TMPRSS4: variants seen among roughly 807,000 people sequenced by gnomAD.
The protein encoded by TMPRSS4 is transmembrane serine protease 4.
In TMPRSS4, 45 loss-of-function variants were observed where a neutral mutation model predicts 56.4. The observed-to-expected ratio is 0.80, with a 90% CI of 0.63 to 1.02. The LOEUF (loss-of-function observed/expected upper bound fraction) is 1.02, where lower values mean the gene tolerates loss of function less well. Ranked by LOEUF, TMPRSS4 falls within the 50% of genes least tolerant of loss-of-function variation. The probability of loss-of-function intolerance (pLI) is 0.00; values close to 1 mark genes in which losing one functional copy is unlikely to be tolerated. For missense variants in TMPRSS4, 546 were observed against 556.7 expected, an observed-to-expected ratio of 0.98 and a Z score of 0.19; for synonymous variants, 205 against 211.0, an observed-to-expected ratio of 0.97 and a Z score of 0.25.
intron 5 of TMPRSS4, chr11:118,106,991 A>G (rs186245269): frequency 1.2e-4 from 19 of 152,276 alleles, no homozygotes; most frequent in African/African-American, 4.6e-4. Context: ...GAATGTGCCA[A>G]TCCACCAGTA....
chr11:118,122,780 G>A (rs1332633037), downstream of TMPRSS4, among the ~76,000 whole-genome samples: 1 of 152,154 alleles, frequency 6.6e-6, no homozygotes, highest in African/African-American at 2.4e-5. Flanking sequence ...GCTATTGTCT[G>A]AATGCTTGTG....
In TMPRSS4 at chr11:118,117,315, G is replaced by C; in HGVS notation, c.1163G>C (p.Gly388Ala). 1 of 1,614,124 alleles carries C rather than the reference G, an allele frequency of 6.2e-7. No homozygotes were observed. Among genetic ancestry groups the C allele is most frequent in the South Asian group, 1.1e-5 (1 of 91,078 alleles). ...GGVDTCQGDSGGPLMYQSDQW... is the reference protein window; with the variant it reads ...GGVDTCQGDSAGPLMYQSDQW... The stretch of plus-strand genomic sequence containing the variant: ...TCTGGTCTCTCACAGGGTGACAGTG[G>C]TGGGCCCCTGATGTACCAATCTGAC... The change falls in exon 12 of 13, where the codon GGT becomes GCT. Residue 388 changes from glycine to alanine, a missense_variant. By Grantham distance (60) the Gly-to-Ala change is moderately conservative. Transcript: ENST00000437212.
chr11:118,107,702 G>T lies in TMPRSS4; in HGVS notation c.441-72G>T. On this transcript the variant is annotated intron_variant, in intron 5 of 12. Coordinates refer to ENST00000437212, the MANE Select transcript of TMPRSS4 (RefSeq NM_019894.4). ...CTGCCACTCTTTCTCCTGAAAGTGGGGGCCAACTCTACCATCTTGTTCTAA... is the reference window on the plus strand; with the variant it reads ...CTGCCACTCTTTCTCCTGAAAGTGGTGGCCAACTCTACCATCTTGTTCTAA... The T allele has an allele frequency of 7.6e-6, 10 of 1,317,810 alleles. 1 individual carries two copies. The South Asian group carries it at 1.3e-4, about 17-fold the overall frequency. 81.6% of individuals were successfully genotyped at this position (1,317,810 alleles called of 1,614,324 possible). A position where few individuals can be genotyped will look rare whatever the true frequency, so the allele number is the denominator to read the frequency against.
intron 9 of TMPRSS4, among the ~76,000 whole-genome samples, chr11:118,114,382 G>A (rs1361899615): frequency 6.6e-6 from 1 of 152,202 alleles, no homozygotes; most frequent in Admixed American, 6.5e-5. Context: ...AGGGACACCC[G>A]GGGAAGCAGC....
At chr11:118,103,376 C>CTTTGTTTGTTTGTTGTTTGTTTGTTTG in intron 4 of TMPRSS4, 123 bp downstream of exon 4, 1 of 983,912 alleles carries the variant, frequency 1.0e-6, no homozygotes, top group South Asian at 1.9e-5. Flanking sequence ...GTATAAGGTT[C>CTTTGTTTGTTTGTTGTTTGTTTGTTTG]TTTGTTTGTT....
downstream of TMPRSS4, among the ~76,000 whole-genome samples, chr11:118,124,445 A>T (rs1165488495): frequency 6.6e-6 from 1 of 152,222 alleles, no homozygotes; most frequent in African/African-American, 2.4e-5. Flanking sequence ...GAGGAAAAAA[A>T]ACTGTTAAAG....
chr11:118,115,127 T>C lies in TMPRSS4; in HGVS notation c.1010-11T>C, dbSNP rs376943164. On this transcript the variant is annotated splice_polypyrimidine_tract_variant and intron_variant, in intron 10 of 12. Coordinates refer to ENST00000437212, the MANE Select transcript of TMPRSS4 (RefSeq NM_019894.4). ...GCAAGGATGGGAATGTGAGTGTTTTTACCCTCCCAGGGAAGATGTCTGACA... is the reference window on the plus strand; with the variant it reads ...GCAAGGATGGGAATGTGAGTGTTTTCACCCTCCCAGGGAAGATGTCTGACA... The C allele has an allele frequency of 2.6e-5, 41 of 1,607,428 alleles. No homozygotes were observed. Among genetic ancestry groups the C allele is most frequent in the Non-Finnish European group, 2.9e-5 (34 of 1,177,432 alleles).
chr11:118,083,460 G>A (rs746008184), intron 1 of TMPRSS4, among the ~76,000 whole-genome samples: 15 of 152,096 alleles, frequency 9.9e-5, no homozygotes, highest in African/African-American at 1.4e-4. Context: ...GCCAAGCCCC[G>A]GGGCCCATGA....
intron 1 of TMPRSS4, among the ~76,000 whole-genome samples, chr11:118,085,752 T>C (rs929300185): frequency 2.0e-5 from 3 of 152,150 alleles, no homozygotes; most frequent in Non-Finnish European, 2.9e-5. Context: ...GCGGGACCCC[T>C]TCTGGCCCTC....
At chr11:118,124,153 G>A (rs570707961), downstream of TMPRSS4, among the ~76,000 whole-genome samples, 5 of 152,202 alleles carry the variant, frequency 3.3e-5, no homozygotes, top group South Asian at 6.2e-4. Context: ...TTGGGAGGCC[G>A]AGTGGGGCAG....
At chr11:118,098,652 C>T (rs1946544068) in intron 2 of TMPRSS4, among the ~76,000 whole-genome samples, 1 of 152,162 alleles carries the variant, frequency 6.6e-6, no homozygotes, top group South Asian at 2.1e-4. Context: ...GCCCCAGGGG[C>T]TCAGGCCTCT....
At chr11:118,103,488 T>A (rs1455369823) in intron 4 of TMPRSS4, among the ~76,000 whole-genome samples, 2 of 152,190 alleles carry the variant, frequency 1.3e-5, no homozygotes, top group Non-Finnish European at 2.9e-5. Context: ...TTCAAGTGAT[T>A]CTTCTGCCTC....
intron 2 of TMPRSS4, among the ~76,000 whole-genome samples, chr11:118,096,950 G>GA (rs1323176463): frequency 1.5e-5 from 1 of 66,248 alleles, no homozygotes; most frequent in Non-Finnish European, 3.5e-5. Context: ...AAGAAAGAAA[G>GA]GAAGGAAAGA....
chr11:118,111,557 G>C, intron 7 of TMPRSS4, among the ~76,000 whole-genome samples, 184 bp from the exon 8 acceptor site: 1 of 152,184 alleles, frequency 6.6e-6, no homozygotes, highest in East Asian at 1.9e-4. Flanking sequence ...GGAGGTTTGA[G>C]GAAAGCCTAT....
chr11:118,122,195 G>A (rs7110327), downstream of TMPRSS4, among the ~76,000 whole-genome samples: 10,452 of 152,100 alleles, frequency 0.069, 874 homozygotes, highest in East Asian at 0.4. Flanking sequence ...ACTAATAATC[G>A]CAATAAATAT....
chr11:118,109,207 C>G (rs1481102808), intron 7 of TMPRSS4, among the ~76,000 whole-genome samples: 1 of 152,200 alleles, frequency 6.6e-6, no homozygotes. Context: ...CACTGCCTCC[C>G]ATCCCTGGTC....
At chr11:118,085,235 T>TTTC (rs1389910195) in intron 1 of TMPRSS4, among the ~76,000 whole-genome samples, 1 of 151,524 alleles carries the variant, frequency 6.6e-6, no homozygotes, top group Non-Finnish European at 1.5e-5. Context: ...TCTTTTTTTT[T>TTTC]TTTTTTGAGA....
chr11:118,107,746 A>C lies in TMPRSS4; in HGVS notation c.441-28A>C, dbSNP rs973322227. ...GTTCTAACCCCCTGCCCCAGCTCAC[A>C]ACTCTCTCTCCCTCTTGATGTGAGC... On this transcript the variant is annotated intron_variant, in intron 5 of 12. Coordinates refer to ENST00000437212, the MANE Select transcript of TMPRSS4 (RefSeq NM_019894.4). The C allele has an allele frequency of 4.4e-6, 7 of 1,605,152 alleles. No individual in the cohort carries two copies. The African/African-American group carries it at 6.7e-5, about 15-fold the overall frequency.
rs748690185 is a variant in TMPRSS4, at chr11:118,108,857, C to T, written c.544C>T (p.Pro182Ser). The T allele has an allele frequency of 9.3e-6, 15 of 1,613,982 alleles. No homozygotes were observed. Among genetic ancestry groups the T allele is most frequent in the Admixed American group, 8.3e-5 (5 of 60,006 alleles). ...CAGGGCGCTGTGTCTGTCTTCCAGGCCCTGTCTCTCAGGCTCCCTGGTCTC... is the reference window on the plus strand; with the variant it reads ...CAGGGCGCTGTGTCTGTCTTCCAGGTCCTGTCTCTCAGGCTCCCTGGTCTC... ...QELRMRNSSGPCLSGSLVSLH... is the reference protein window; with the variant it reads ...QELRMRNSSGSCLSGSLVSLH... Residue 182 changes from proline to serine, a missense_variant and splice_region_variant, in exon 7 of 13, where the codon CCC becomes TCC. Physicochemically the swap from Pro to Ser is moderately conservative, Grantham distance 74. Coordinates refer to ENST00000437212, the MANE Select transcript of TMPRSS4 (RefSeq NM_019894.4).
Sources: gnomAD v4.1 joint callset for allele counts (sites outside exome capture counted in the v4.1 genomes callset) on GRCh38, gnomAD v4.1.1 for gene constraint, MANE v1.5 for transcripts, NCBI Gene and HGNC (gene_info 2026-07-23, HGNC 2026-07-21) for gene names.